The following ATF7IP variants were observed in gnomAD, a reference collection of about 807,000 sequenced individuals.
ATF7IP encodes the protein activating transcription factor 7-interacting protein 1.
ATF7IP carries 23 observed loss-of-function variants against 106.4 expected under a neutral mutation model. The ratio of observed to expected loss-of-function variants is 0.22; its 90% CI spans 0.16 to 0.31. The LOEUF is 0.31. ATF7IP is among the 10% of genes least tolerant of loss of function. ATF7IP has a pLI of 1.00. For synonymous variants in ATF7IP, 542 were observed against 539.0 expected (o/e 1.01, Z -0.08); for missense variants, 1,334 against 1,524.3 (o/e 0.88, Z 2.08).
chr12:14,472,275 C>G (rs1303255121), intron 10 of ATF7IP, among the ~76,000 whole-genome samples: 1 of 151,952 alleles, frequency 6.6e-6, no homozygotes, highest in Non-Finnish European at 1.5e-5. Context: ...AAGTTGCCAT[C>G]AAGTTGCGTT....
intron 1 of ATF7IP, among the ~76,000 whole-genome samples, chr12:14,401,533 AC>A (rs1940195922): frequency 6.9e-6 from 1 of 145,570 alleles, no homozygotes; most frequent in Non-Finnish European, 1.5e-5. Context: ...TGTCATAGTT[AC>A]CTTTTTTATT....
chr12:14,470,241 C>T (rs536987451), intron 10 of ATF7IP, among the ~76,000 whole-genome samples: 12 of 152,250 alleles, frequency 7.9e-5, no homozygotes, highest in African/African-American at 2.9e-4. Flanking sequence ...ATTCTTGTTT[C>T]ATTACAAAAA....
intron 1 of ATF7IP, among the ~76,000 whole-genome samples, chr12:14,373,124 T>A (rs531873114): frequency 2.0e-5 from 3 of 152,316 alleles, no homozygotes; most frequent in South Asian, 4.1e-4. Flanking sequence ...TAGATGTATA[T>A]CTGCCCTGTT....
At chr12:14,496,933 C>T (rs1945028989) in intron 14 of ATF7IP, among the ~76,000 whole-genome samples, 1 of 152,150 alleles carries the variant, frequency 6.6e-6, no homozygotes, top group Non-Finnish European at 1.5e-5. Context: ...AAGTTAGAGT[C>T]ATGTTTTTTC....
At chr12:14,473,288 C>CTGTATGTGTGTGTGTGTGTG (rs796814505) in intron 10 of ATF7IP, among the ~76,000 whole-genome samples, 22 of 140,350 alleles carry the variant, frequency 1.6e-4, no homozygotes, top group South Asian at 2.4e-4. Flanking sequence ...CTCTCTCTCT[C>CTGTATGTGTGTGTGTGTGTG]TCTGTGTGTG....
rs765223491 is a variant in ATF7IP at position 14,424,973 on chromosome 12, A to G, written c.1058A>G (p.Glu353Gly). Residue 353 changes from glutamate to glycine, a missense_variant, in exon 2 of 15, where the codon GAA becomes GGA. Glu to Gly is a moderately conservative substitution (Grantham distance 98, BLOSUM62 -2). Coordinates refer to ENST00000261168, the MANE Select transcript of ATF7IP (RefSeq NM_018179.5). ...NNIDANEETL[E>G]TDDTTICSDR... The stretch of plus-strand genomic sequence containing the variant: ...ATTGATGCTAATGAAGAAACTCTAG[A>G]AACAGATGATACAACTATTTGTTCA... 27 of 1,610,102 alleles carry G rather than the reference A, an allele frequency of 1.7e-5. No homozygotes were observed. In the South Asian group the frequency reaches 3.0e-4, roughly 18 times the overall value.
intron 1 of ATF7IP, among the ~76,000 whole-genome samples, chr12:14,413,548 T>C (rs139312643): frequency 2.0e-5 from 3 of 152,316 alleles, no homozygotes; most frequent in East Asian, 1.9e-4. Flanking sequence ...TGGTACTGAA[T>C]TGGGTGTCTG....
intron 9 of ATF7IP, 103 bp from the exon 10 acceptor site, chr12:14,466,423 C>T (rs758719592): frequency 4.7e-5 from 42 of 891,458 alleles, no homozygotes; most frequent in African/African-American, 1.5e-4. Context: ...GACATGTTGA[C>T]GGAAAAGTAG....
chr12:14,402,134 T>C (rs1181331260), intron 1 of ATF7IP, among the ~76,000 whole-genome samples: 1 of 146,742 alleles, frequency 6.8e-6, no homozygotes, highest in East Asian at 2.0e-4. Context: ...TTTCTTTTTT[T>C]TTTTTTTTTT....
At position 14,498,947 on chromosome 12, in the gene ATF7IP, A is replaced by G. The variant is rs948362886; in HGVS notation, c.*874A>G. 1 of 152,210 alleles carries G rather than the reference A, an allele frequency of 6.6e-6. No homozygotes were observed. The highest frequency in any genetic ancestry group is 1.5e-5 in the Non-Finnish European group (1 of 68,162). 9.4% of individuals were successfully genotyped at this position (152,210 alleles called of 1,614,324 possible). ...CTGCAACCTCTGCCTCCTGGGTTCA[A>G]GCAATTCTTCTGTCTCAGCCCCAGA... On this transcript the variant is annotated 3_prime_UTR_variant, in exon 15 of 15. Transcript: ENST00000261168.
intron 13 of ATF7IP, among the ~76,000 whole-genome samples, chr12:14,492,641 T>G (rs1306013051): frequency 6.6e-6 from 1 of 152,184 alleles, no homozygotes; most frequent in Non-Finnish European, 1.5e-5. Flanking sequence ...TTTAGGAATA[T>G]TGTGATTAAT....
intron 2 of ATF7IP, among the ~76,000 whole-genome samples, chr12:14,429,982 A>G (rs541375359): frequency 7.7e-4 from 118 of 152,294 alleles, no homozygotes; most frequent in African/African-American, 2.8e-3. Context: ...CTTGTATTAG[A>G]AAAATATAGT....
chr12:14,441,817 C>T (rs1281041037), intron 5 of ATF7IP, among the ~76,000 whole-genome samples: 9 of 152,050 alleles, frequency 5.9e-5, no homozygotes, highest in African/African-American at 2.2e-4. Flanking sequence ...GCACCCGGCC[C>T]AGGATACCAA....
intron 2 of ATF7IP, among the ~76,000 whole-genome samples, chr12:14,426,319 G>C (rs558354970): frequency 6.6e-5 from 10 of 152,160 alleles, no homozygotes; most frequent in African/African-American, 2.4e-4. Flanking sequence ...GGAAGACTGA[G>C]AAAAGCATGA....
Position 14,447,049 on chromosome 12 carries a change from A to T in ATF7IP, c.1991A>T (p.His664Leu). Reference sequence around the variant, plus strand: ...GCCAAAGAAGATCTTAAGAAAAGACATGAAGTAAAATTTTTCTATTCTTGC... The same window carrying T: ...GCCAAAGAAGATCTTAAGAAAAGACTTGAAGTAAAATTTTTCTATTCTTGC... ...EAAKEDLKKR[H>L]EHPPNPPVSP... Residue 664 changes from histidine to leucine, a missense_variant, in exon 6 of 15, where the codon CAT (histidine) becomes CTT (leucine). His to Leu is a moderately conservative substitution (Grantham distance 99). Around this residue, in one of 10 missense-constraint regions of ATF7IP, gnomAD observed 171 missense variants for 172.6 expected, o/e 0.99. Coordinates refer to ENST00000261168, the MANE Select transcript of ATF7IP (RefSeq NM_018179.5). The T allele has an allele frequency of 1.3e-6, 2 of 1,594,776 alleles. No individual in the cohort carries two copies. Among genetic ancestry groups the T allele is most frequent in the Non-Finnish European group, 8.5e-7 (1 of 1,172,456 alleles).
At chr12:14,409,980 TTTTCAGCA>T (rs933160003) in intron 1 of ATF7IP, among the ~76,000 whole-genome samples, 2 of 152,044 alleles carry the variant, frequency 1.3e-5, no homozygotes, top group African/African-American at 4.8e-5. Flanking sequence ...AATTCAGTGG[TTTTCAGCA>T]TATTCACAGT....
chr12:14,491,459 C>A (rs1017243765), intron 13 of ATF7IP, among the ~76,000 whole-genome samples: 1 of 152,186 alleles, frequency 6.6e-6, no homozygotes, highest in South Asian at 2.1e-4. Context: ...ATTTCCCATC[C>A]TCTGGCACAC....
intron 9 of ATF7IP, among the ~76,000 whole-genome samples, chr12:14,461,514 G>A (rs914692830): frequency 1.3e-5 from 2 of 152,060 alleles, no homozygotes; most frequent in Admixed American, 6.5e-5. Context: ...AAAAAGACAC[G>A]TTTATGTTCC....
At chr12:14,456,793 T>C (rs200211220) in intron 7 of ATF7IP, among the ~76,000 whole-genome samples, 159 bp downstream of exon 7, 238 of 152,358 alleles carry the variant, frequency 1.6e-3, no homozygotes, top group Non-Finnish European at 3.0e-3. Context: ...ATTATATTGT[T>C]CATCTGTGAA....
Sources: allele counts gnomAD v4.1 joint callset (sites outside exome capture counted in the v4.1 genomes callset), GRCh38; gene constraint gnomAD v4.1.1; regional missense constraint gnomAD v4.1.1; transcripts MANE v1.5; gene names NCBI Gene and HGNC (gene_info 2026-07-23, HGNC 2026-07-21).